ATXN1: variants seen among roughly 807,000 people sequenced by gnomAD.
ATXN1 encodes ataxin-1.
ATXN1 carries 8 observed loss-of-function variants against 56.4 expected under a neutral mutation model. The observed-to-expected ratio is 0.14, with a 90% CI of 0.08 to 0.26. ATXN1 has a LOEUF of 0.26. Ranked by LOEUF, ATXN1 falls within the 10% of genes least tolerant of loss-of-function variation. The pLI is 1.00. For missense variants in ATXN1, 987 were observed against 1,106.5 expected (o/e 0.89, Z 1.53); for synonymous variants, 514 against 494.6 (o/e 1.04, Z -0.52).
intron 6 of ATXN1, among the ~76,000 whole-genome samples, chr6:16,336,043 C>G (rs1761115780): frequency 6.6e-6 from 1 of 152,182 alleles, no homozygotes; most frequent in Non-Finnish European, 1.5e-5. Flanking sequence ...GAAACCAATC[C>G]AAATATCTTC....
At chr6:16,740,116 T>C (rs983444830) in intron 2 of ATXN1, among the ~76,000 whole-genome samples, 18 of 152,188 alleles carry the variant, frequency 1.2e-4, no homozygotes, top group African/African-American at 4.3e-4. Context: ...CAAGTCTAAA[T>C]GTGAATCAGA....
intron 6 of ATXN1, among the ~76,000 whole-genome samples, chr6:16,414,810 C>T (rs1404075288): frequency 6.6e-6 from 1 of 152,206 alleles, no homozygotes; most frequent in African/African-American, 2.4e-5. Flanking sequence ...CTTCTTTCTA[C>T]TCAATATGTT....
At chr6:16,324,991 A>G (rs191196557) in intron 7 of ATXN1, among the ~76,000 whole-genome samples, 1 of 152,222 alleles carries the variant, frequency 6.6e-6, no homozygotes, top group African/African-American at 2.4e-5. Flanking sequence ...TGACTTTTAT[A>G]TGCAAACCAA....
chr6:16,388,457 A>G (rs573695130), intron 6 of ATXN1, among the ~76,000 whole-genome samples: 48 of 152,334 alleles, frequency 3.2e-4, no homozygotes, highest in Non-Finnish European at 5.7e-4. Context: ...GGACTCTCCT[A>G]AGACCCGGGA....
chr6:16,662,335 C>CT (rs56275788), intron 2 of ATXN1, among the ~76,000 whole-genome samples: 2,145 of 150,740 alleles, frequency 0.014, 29 homozygotes, highest in Middle Eastern at 0.031. Context: ...CATCAAACTT[C>CT]TTTTTTTTTT....
rs79774197 is a variant in ATXN1 at position 16,400,732 on chromosome 6, A to G, written c.-160-72262T>C. On this transcript the variant is annotated intron_variant, in intron 6 of 7. Transcript: ENST00000436367. ...GATTACCATATTGTCCTTGTTCTCA[A>G]TGAGCTTACAGTCTAAAAGAGGGAG... 5.3e-3 allele frequency among the ~76,000 whole-genome samples: 808 copies of G among 152,322 alleles called. 5 individuals carry two copies. Among genetic ancestry groups the G allele is most frequent in the African/African-American group, 0.018 (744 of 41,566 alleles).
chr6:16,347,670 A>T (rs977599351), intron 6 of ATXN1, among the ~76,000 whole-genome samples: 4 of 152,048 alleles, frequency 2.6e-5, no homozygotes, highest in African/African-American at 7.2e-5. Context: ...TTATTTAGCT[A>T]ATCTAGTGGG....
intron 3 of ATXN1, among the ~76,000 whole-genome samples, chr6:16,655,432 C>T (rs1561795315): frequency 6.6e-6 from 1 of 152,136 alleles, no homozygotes; most frequent in Non-Finnish European, 1.5e-5. Context: ...ATGATGATTC[C>T]TGCCCTGAAG....
At chr6:16,652,567 C>T (rs746860346) in intron 3 of ATXN1, among the ~76,000 whole-genome samples, 12 of 152,154 alleles carry the variant, frequency 7.9e-5, no homozygotes, top group East Asian at 1.9e-4. Flanking sequence ...TTAAAAATCT[C>T]GCCCCTCATT....
At chr6:16,454,131 A>T (rs1759817331) in intron 6 of ATXN1, among the ~76,000 whole-genome samples, 1 of 62,992 alleles carries the variant, frequency 1.6e-5, no homozygotes, top group African/African-American at 4.5e-5. Flanking sequence ...GTCTCAAAAA[A>T]AAAAAAAAAA....
At chr6:16,315,731 T>C (rs1581684024) in intron 7 of ATXN1, among the ~76,000 whole-genome samples, 1 of 152,168 alleles carries the variant, frequency 6.6e-6, no homozygotes, top group Non-Finnish European at 1.5e-5. Context: ...AGCATGATCA[T>C]GGCTCACTGC....
rs191954236 is a variant in ATXN1, at chr6:16,389,217, A to G, written c.-160-60747T>C. On this transcript the variant is annotated intron_variant, in intron 6 of 7. Coordinates refer to ENST00000436367, the MANE Select transcript of ATXN1 (RefSeq NM_001128164.2). ...CCGGGCGTGGTGGCACGCGCCTGTCATCTCAGCTACTCGGGAGGCTGAGGC... is the reference window on the plus strand; with the variant it reads ...CCGGGCGTGGTGGCACGCGCCTGTCGTCTCAGCTACTCGGGAGGCTGAGGC... 5.0e-4 allele frequency among the ~76,000 whole-genome samples: 76 copies of G among 152,204 alleles called. No individual in the cohort carries two copies. The East Asian group carries it at 0.01, about 21-fold the overall frequency.
chr6:16,396,053 A>G (rs983298884), intron 6 of ATXN1, among the ~76,000 whole-genome samples: 1 of 149,926 alleles, frequency 6.7e-6, no homozygotes, highest in Non-Finnish European at 1.5e-5. Context: ...AATTAACTGT[A>G]AACAGCCTCA....
intron 3 of ATXN1, among the ~76,000 whole-genome samples, chr6:16,618,996 TA>T: frequency 6.6e-6 from 1 of 152,150 alleles, no homozygotes; most frequent in African/African-American, 2.4e-5. Context: ...ATGGCCAATT[TA>T]AAAAAGAAAT....
chr6:16,626,843 G>C (rs1763415779), intron 3 of ATXN1, among the ~76,000 whole-genome samples: 1 of 152,176 alleles, frequency 6.6e-6, no homozygotes. Context: ...CACAGACTTG[G>C]AGGGAAGCCC....
chr6:16,490,585 C>A (rs1189176447), intron 5 of ATXN1, among the ~76,000 whole-genome samples: 1 of 152,190 alleles, frequency 6.6e-6, no homozygotes, highest in Non-Finnish European at 1.5e-5. Context: ...TTTGCTGAGT[C>A]CTCCTCTTAA....
intron 4 of ATXN1, among the ~76,000 whole-genome samples, chr6:16,547,205 A>G (rs1761830550): frequency 6.6e-6 from 1 of 152,206 alleles, no homozygotes; most frequent in Admixed American, 6.5e-5. Context: ...ACGGAAATAT[A>G]CTGTTCAATT....
At chr6:16,552,247 C>T (rs1761934828) in intron 4 of ATXN1, among the ~76,000 whole-genome samples, 1 of 152,210 alleles carries the variant, frequency 6.6e-6, no homozygotes, top group Non-Finnish European at 1.5e-5. Flanking sequence ...TGTACCCCAA[C>T]TCACACTTGT....
chr6:16,627,505 G>A (rs561174849), intron 3 of ATXN1, among the ~76,000 whole-genome samples: 28 of 152,154 alleles, frequency 1.8e-4, no homozygotes, highest in African/African-American at 6.5e-4. Flanking sequence ...GAGGTGGGCG[G>A]GTCACGAGGT....
Sources: gnomAD v4.1 joint callset for allele counts (sites outside exome capture counted in the v4.1 genomes callset) on GRCh38, gnomAD v4.1.1 for gene constraint, MANE v1.5 for transcripts, NCBI Gene and HGNC (gene_info 2026-07-23, HGNC 2026-07-21) for gene names.